The following AR variants were observed in gnomAD, a reference collection of about 807,000 sequenced individuals.
AR encodes the protein androgen receptor, also known as dihydrotestosterone receptor.
AR carries 8 observed loss-of-function variants against 53.9 expected under a neutral mutation model. The ratio of observed to expected loss-of-function variants is 0.15; its 90% confidence interval spans 0.09 to 0.27. The LOEUF (loss-of-function observed/expected upper bound fraction) is 0.27. Among genes scored for constraint, AR ranks in the 10% least tolerant of loss-of-function variants. The pLI, the probability that AR is intolerant of heterozygous loss-of-function variation, is 1.00. For missense variants in AR, 639 were observed against 742.5 expected, an observed-to-expected ratio of 0.86 and a Z score of 1.62; for synonymous variants, 359 against 316.4, an observed-to-expected ratio of 1.13 and a Z score of -1.43.
Position 67,545,225 on chromosome X carries a change from T to C in AR, c.79T>C (p.Phe27Leu), listed in dbSNP as rs1257545761. The C allele has an allele frequency of 8.3e-7, 1 of 1,207,216 alleles. No homozygotes were observed. Among genetic ancestry groups the C allele is most frequent in the Non-Finnish European group, 1.1e-6 (1 of 894,553 alleles). ...CTACCGAGGAGCTTTCCAGAATCTG[T>C]TCCAGAGCGTGCGCGAAGTGATCCA... ...KTYRGAFQNL[F>L]QSVREVIQNP... is the part of the protein sequence containing the mutation. Residue 27 changes from phenylalanine to leucine, a missense_variant, in exon 1 of 8, where the codon TTC becomes CTC. Physicochemically the swap from Phe to Leu is conservative, Grantham distance 22. Transcript: ENST00000374690.
intron 1 of AR, among the ~76,000 whole-genome samples, chrX:67,567,609 G>A (rs1921609865): frequency 9.0e-6 from 1 of 111,447 alleles, no homozygotes; most frequent in African/African-American, 3.3e-5. Flanking sequence ...AAGACCATGA[G>A]TGAAGAAGAC....
At chrX:67,680,955 C>T (rs941567297) in intron 2 of AR, 2 of 237,564 alleles carry the variant, frequency 8.4e-6, no homozygotes, top group Non-Finnish European at 1.6e-5. Flanking sequence ...ATTTCAGAGC[C>T]AGCTGGCATG....
At chrX:67,593,725 G>A (rs1007973034) in intron 1 of AR, among the ~76,000 whole-genome samples, 5 of 111,990 alleles carry the variant, frequency 4.5e-5, no homozygotes, top group Non-Finnish European at 9.4e-5. Context: ...TGTCATACAG[G>A]CAACAGAATG....
intron 2 of AR, among the ~76,000 whole-genome samples, chrX:67,659,958 A>G (rs1406892199): frequency 8.9e-6 from 1 of 111,898 alleles, no homozygotes; most frequent in African/African-American, 3.3e-5. Context: ...CATTTCTCTG[A>G]TGGCCAGTGA....
chrX:67,728,574 AATATATATATATATAT>A lies in AR; in HGVS notation c.*4759_*4774del, dbSNP rs10666509. On this transcript the variant is annotated 3_prime_UTR_variant, in exon 8 of 8. Coordinates refer to ENST00000374690, the MANE Select transcript of AR (RefSeq NM_000044.6). ...ATTTGTATCCATGTTTCAAAATTGAAATATATATATATATATATATATATATATATATATATATATA... is the reference window on the plus strand; with the variant it reads ...ATTTGTATCCATGTTTCAAAATTGAAATATATATATATATATATATATATA... 55 of 29,867 alleles carry A rather than the reference AATATATATATATATAT, an allele frequency of 1.8e-3. No individual in the cohort carries two copies. The South Asian group carries it at 0.067, about 36-fold the overall frequency. 2.5% of individuals were successfully genotyped at this position (29,867 alleles called of 1,213,427 possible). A position where few individuals can be genotyped will look rare whatever the true frequency, so the allele number is the denominator to read the frequency against.
intron 1 of AR, among the ~76,000 whole-genome samples, chrX:67,631,000 G>A (rs1478664723): frequency 3.6e-5 from 4 of 111,508 alleles, no homozygotes; most frequent in Non-Finnish European, 7.5e-5. Context: ...AGTTTCTGCC[G>A]AGAGATCTGC....
intron 1 of AR, among the ~76,000 whole-genome samples, chrX:67,637,563 A>T (rs2147425921): frequency 9.3e-6 from 1 of 107,929 alleles, no homozygotes; most frequent in South Asian, 4.2e-4. Context: ...ACATTTTCTT[A>T]ATCCAGTCTA....
At chrX:67,575,488 A>G (rs1366292932) in intron 1 of AR, among the ~76,000 whole-genome samples, 1 of 111,215 alleles carries the variant, frequency 9.0e-6, no homozygotes, top group Non-Finnish European at 1.9e-5. Context: ...TACACCAAAA[A>G]CTCTATGGGT....
intron 4 of AR, among the ~76,000 whole-genome samples, chrX:67,713,807 A>G (rs929081803): frequency 1.8e-5 from 2 of 111,842 alleles, no homozygotes; most frequent in African/African-American, 6.5e-5. Context: ...CCCTTACATT[A>G]ACAAATCTGC....
intron 1 of AR, among the ~76,000 whole-genome samples, chrX:67,613,553 T>C (rs1218197557): frequency 9.0e-6 from 1 of 111,186 alleles, no homozygotes; most frequent in East Asian, 2.9e-4. Context: ...CCTTGTGGAA[T>C]TGCACTCACT....
chrX:67,695,763 A>ACG, intron 3 of AR: 1 of 745,781 alleles, frequency 1.3e-6, no homozygotes. Flanking sequence ...ACACACACAC[A>ACG]CACACACACG....
chrX:67,586,614 C>A (rs989131000), intron 1 of AR, among the ~76,000 whole-genome samples: 3 of 112,484 alleles, frequency 2.7e-5, no homozygotes, highest in Admixed American at 1.9e-4. Flanking sequence ...TGACCTTCAA[C>A]CTTTCAGGCT....
intron 1 of AR, among the ~76,000 whole-genome samples, chrX:67,565,751 G>A (rs1365404138): frequency 9.0e-6 from 1 of 111,462 alleles, no homozygotes; most frequent in Non-Finnish European, 1.9e-5. Context: ...GGAGTGCAGT[G>A]GCAAGGTCTC....
chrX:67,660,298 T>A (rs1000512557), intron 2 of AR, among the ~76,000 whole-genome samples: 14 of 112,027 alleles, frequency 1.2e-4, no homozygotes, highest in Non-Finnish European at 2.4e-4. Flanking sequence ...CATGCCTATG[T>A]CCTGAATGGT....
At chrX:67,696,618 G>C (rs1261226957) in intron 3 of AR, among the ~76,000 whole-genome samples, 1 of 111,732 alleles carries the variant, frequency 8.9e-6, no homozygotes, top group Non-Finnish European at 1.9e-5. Flanking sequence ...CCCAGAATTG[G>C]GGCTGGGAGG....
chrX:67,714,958 G>A (rs1196680899), intron 4 of AR, among the ~76,000 whole-genome samples: 1 of 111,715 alleles, frequency 9.0e-6, no homozygotes, highest in Non-Finnish European at 1.9e-5. Flanking sequence ...ATTAAGGACG[G>A]TTAATTAATA....
At position 67,544,448 on chromosome X, in the gene AR, A is replaced by ACCC. The variant is rs1929611496; in HGVS notation, c.-698_-696dup. 1 of 53,256 alleles carries ACCC rather than the reference A, an allele frequency of 1.9e-5. No individual in the cohort carries two copies. The highest frequency in any genetic ancestry group is 3.4e-5 in the Non-Finnish European group (1 of 29,675). 4.4% of individuals were successfully genotyped at this position (53,256 alleles called of 1,213,427 possible). ...AACCCCCCTCACCACCCTTCTCCCC[A>ACCC]CCCGCCCCCCCGCCCCCGTCGGCCC... is the stretch of plus-strand genomic sequence containing the variant. On this transcript the variant is annotated 5_prime_UTR_variant, in exon 1 of 8. Coordinates refer to ENST00000374690, the MANE Select transcript of AR (RefSeq NM_000044.6).
At chrX:67,709,679 T>A (rs765814606) in intron 3 of AR, among the ~76,000 whole-genome samples, 2 of 112,295 alleles carry the variant, frequency 1.8e-5, no homozygotes, top group African/African-American at 6.5e-5. Context: ...CCCAGTGAGA[T>A]GAACCCGGTA....
At chrX:67,633,873 T>A (rs911565554) in intron 1 of AR, among the ~76,000 whole-genome samples, 1 of 111,798 alleles carries the variant, frequency 8.9e-6, no homozygotes, top group African/African-American at 3.2e-5. Flanking sequence ...TATTTAGAGA[T>A]AGAAAGGAAA....
Sources: allele counts gnomAD v4.1 joint callset (sites outside exome capture counted in the v4.1 genomes callset), GRCh38; gene constraint gnomAD v4.1.1; transcripts MANE v1.5; gene names NCBI Gene and HGNC (gene_info 2026-07-23, HGNC 2026-07-21).